ACSS3: variants seen among roughly 807,000 people sequenced by gnomAD.
The protein encoded by ACSS3 is acyl-CoA synthetase short chain family member 3.
In ACSS3, 64 loss-of-function variants were observed where a neutral mutation model predicts 84.2. That is an observed-to-expected ratio of 0.76 (90% CI 0.62 to 0.94). ACSS3 has a LOEUF of 0.94. ACSS3 is among the 40% of genes least tolerant of loss of function. The pLI is 0.00. For missense variants in ACSS3, 815 were observed against 867.6 expected, an observed-to-expected ratio of 0.94 and a Z score of 0.76; for synonymous variants, 317 against 310.1, an observed-to-expected ratio of 1.02 and a Z score of -0.23.
chr12:81,119,201 A>T (rs1349620248), intron 2 of ACSS3, among the ~76,000 whole-genome samples: 1 of 152,112 alleles, frequency 6.6e-6, no homozygotes, highest in Non-Finnish European at 1.5e-5. Context: ...AAGAACAGGG[A>T]GTAGGTCATA....
chr12:81,195,132 C>T (rs1392254734), intron 8 of ACSS3, among the ~76,000 whole-genome samples: 1 of 151,936 alleles, frequency 6.6e-6, no homozygotes, highest in Non-Finnish European at 1.5e-5. Flanking sequence ...GTTTTGGTTG[C>T]TCTTTGCCTA....
chr12:81,121,154 T>TGGCTTTTGAGATGTATTGATC (rs1284455329), intron 2 of ACSS3, among the ~76,000 whole-genome samples: 1 of 152,230 alleles, frequency 6.6e-6, no homozygotes, highest in African/African-American at 2.4e-5. Flanking sequence ...CTATATTGAT[T>TGGCTTTTGAGATGTATTGATC]GGCTTTTGAG....
At chr12:81,213,900 T>TCC (rs1565724028) in intron 9 of ACSS3, among the ~76,000 whole-genome samples, 511 of 44,444 alleles carry the variant, frequency 0.011, 55 homozygotes, top group Non-Finnish European at 0.023. Context: ...TTTCTTTCTT[T>TCC]TGTCCTTCCT....
At chr12:81,108,251 TATTATTATTATTA>T (rs1161892010) in intron 1 of ACSS3, among the ~76,000 whole-genome samples, 3 of 114,856 alleles carry the variant, frequency 2.6e-5, no homozygotes, top group Admixed American at 8.8e-5. Context: ...CTGTGGCTAT[TATTATTATTATTA>T]ATTATTATTA....
At chr12:81,105,913 A>G (rs1882953918) in intron 1 of ACSS3, among the ~76,000 whole-genome samples, 1 of 152,174 alleles carries the variant, frequency 6.6e-6, no homozygotes, top group African/African-American at 2.4e-5. Flanking sequence ...CTTTTGAACT[A>G]CTTGGGGAGG....
intron 2 of ACSS3, among the ~76,000 whole-genome samples, chr12:81,111,749 T>C (rs529502057): frequency 6.6e-6 from 1 of 152,236 alleles, no homozygotes; most frequent in African/African-American, 2.4e-5. Flanking sequence ...ACAGCACTAG[T>C]TGGCCAAACT....
intron 1 of ACSS3, chr12:81,104,788 G>C (rs1593048403): frequency 6.6e-6 from 1 of 152,254 alleles, no homozygotes; most frequent in Middle Eastern, 3.4e-3. Context: ...GTAGTAATGA[G>C]GTGGCTCCCT....
intron 13 of ACSS3, among the ~76,000 whole-genome samples, chr12:81,234,452 T>C (rs1013737219): frequency 7.3e-5 from 11 of 151,522 alleles, no homozygotes; most frequent in Admixed American, 2.6e-4. Flanking sequence ...AGTGTATGTT[T>C]AAGGTTATGA....
chr12:81,094,529 GA>G (rs1881898339), intron 1 of ACSS3: 1 of 152,140 alleles, frequency 6.6e-6, no homozygotes. Flanking sequence ...CGATGGAAAG[GA>G]AAAGTTCTTT....
At chr12:81,233,581 A>C in intron 13 of ACSS3, 110 bp downstream of exon 13, 2 of 1,379,640 alleles carry the variant, frequency 1.4e-6, no homozygotes, top group South Asian at 1.4e-5. Context: ...CTTCATTTGC[A>C]GCAGAGGCTA....
At chr12:81,181,293 G>A (rs1229320626) in intron 8 of ACSS3, among the ~76,000 whole-genome samples, 1 of 152,100 alleles carries the variant, frequency 6.6e-6, no homozygotes, top group Non-Finnish European at 1.5e-5. Context: ...GATCTCACCT[G>A]GAGAAGCTGT....
At chr12:81,140,089 C>T (rs941662551) in intron 4 of ACSS3, among the ~76,000 whole-genome samples, 4 of 152,188 alleles carry the variant, frequency 2.6e-5, no homozygotes, top group Admixed American at 2.0e-4. Flanking sequence ...TGACTGCATG[C>T]TTAATCCCTC....
intron 1 of ACSS3, among the ~76,000 whole-genome samples, chr12:81,089,812 A>G (rs1311276109): frequency 6.6e-6 from 1 of 151,978 alleles, no homozygotes; most frequent in Non-Finnish European, 1.5e-5. Context: ...GCTAATCACT[A>G]TATGTATATT....
intron 11 of ACSS3, among the ~76,000 whole-genome samples, chr12:81,227,352 T>C (rs1447722737): frequency 1.3e-5 from 2 of 150,576 alleles, no homozygotes; most frequent in East Asian, 2.0e-4. Flanking sequence ...GCTAAATTGA[T>C]GCATAGAATT....
chr12:81,174,509 G>T (rs1298652813), intron 7 of ACSS3: 1 of 260,662 alleles, frequency 3.8e-6, no homozygotes, highest in Admixed American at 5.2e-5. Context: ...TTCTTAATTT[G>T]AATGTGGTAT....
chr12:81,240,736 G>A lies in ACSS3; in HGVS notation c.1719+7265G>A, dbSNP rs115263151. On this transcript the variant is annotated intron_variant, in intron 13 of 15. Transcript: ENST00000548058. ...CTTCTTTTAACTTGTTGTGGTGGTT[G>A]CCCTAATGTTTGCAATATATGTTTA... 7.3e-3 allele frequency among the ~76,000 whole-genome samples: 1,104 copies of A among 151,866 alleles called. 14 individuals are homozygous for A. The highest frequency in any genetic ancestry group is 0.025 in the African/African-American group (1,024 of 41,446).
chr12:81,179,128 C>T (rs7313154), intron 8 of ACSS3, among the ~76,000 whole-genome samples: 70,210 of 151,584 alleles, frequency 0.46, 16,733 homozygotes, highest in Non-Finnish European at 0.52. Flanking sequence ...CCTTTCACCA[C>T]ATACAAAAAT....
chr12:81,098,151 A>AGAGAGAGTGT (rs369995298), intron 1 of ACSS3, among the ~76,000 whole-genome samples: 1 of 129,272 alleles, frequency 7.7e-6, no homozygotes, highest in African/African-American at 3.0e-5. Context: ...AGAGAGAGAG[A>AGAGAGAGTGT]GTGTGTGTGT....
chr12:81,109,409 T>A (rs1883376296), intron 1 of ACSS3, 151 bp from the exon 2 acceptor site: 1 of 766,796 alleles, frequency 1.3e-6, no homozygotes, highest in Non-Finnish European at 2.0e-6. Context: ...ATCTTAAATA[T>A]CTAGTTTACA....
Sources: gnomAD v4.1 joint callset for allele counts (sites outside exome capture counted in the v4.1 genomes callset) on GRCh38, gnomAD v4.1.1 for gene constraint, MANE v1.5 for transcripts, NCBI Gene and HGNC (gene_info 2026-07-23, HGNC 2026-07-21) for gene names.